ANKRD55: variants seen among roughly 807,000 people sequenced by gnomAD.
The protein encoded by ANKRD55 is ankyrin repeat domain-containing protein 55.
A neutral mutation model predicts 60.6 loss-of-function variants in ANKRD55; 41 were observed. The ratio of observed to expected loss-of-function variants is 0.68; its 90% CI spans 0.53 to 0.88. ANKRD55 has a LOEUF of 0.88. Ranked by LOEUF, ANKRD55 falls within the 40% of genes least tolerant of loss-of-function variation. The pLI is 0.00. For missense variants in ANKRD55, 732 were observed against 767.6 expected (o/e 0.95, Z 0.55); for synonymous variants, 264 against 290.3 (o/e 0.91, Z 0.92).
rs189399172 is a variant in ANKRD55 at position 56,133,536 on chromosome 5, G to A, written c.613-6430C>T. ...ACACATTTTTAACAAGCTCACATGG[G>A]ACCTTCACCGAGATAGACTACAGTC... On this transcript the variant is annotated intron_variant, in intron 7 of 11. Transcript: ENST00000341048. 2.1e-3 allele frequency among the ~76,000 whole-genome samples: 223 copies of A among 108,576 alleles called. 52 individuals carry two copies. Among genetic ancestry groups the A allele is most frequent in the African/African-American group, 6.2e-3 (207 of 33,302 alleles). The allele number at this position is 108,576 out of a possible 152,430, so 71.2% of individuals were successfully genotyped here.
intron 5 of ANKRD55, among the ~76,000 whole-genome samples, chr5:56,166,088 T>TTC (rs1758446273): frequency 2.0e-4 from 3 of 15,310 alleles, no homozygotes; most frequent in African/African-American, 6.8e-4. Context: ...TCTTTTCTTT[T>TTC]TCTTTCTTTC....
At chr5:56,226,184 T>C (rs1440505202) in intron 2 of ANKRD55, among the ~76,000 whole-genome samples, 1 of 152,150 alleles carries the variant, frequency 6.6e-6, no homozygotes, top group Non-Finnish European at 1.5e-5. Context: ...ACCACACATC[T>C]AAAACCATCT....
intron 2 of ANKRD55, among the ~76,000 whole-genome samples, chr5:56,211,708 GC>G (rs1428899286): frequency 6.6e-6 from 1 of 152,200 alleles, no homozygotes; most frequent in Admixed American, 6.5e-5. Flanking sequence ...ACTCACGGCA[GC>G]TTGTACCCTT....
intron 5 of ANKRD55, among the ~76,000 whole-genome samples, chr5:56,166,111 T>TTTCTTTCTTTC (rs1561277658): frequency 1.0e-3 from 77 of 76,186 alleles, no homozygotes; most frequent in Non-Finnish European, 1.6e-3. Context: ...TCTTTCTTTC[T>TTTCTTTCTTTC]TTCTTTCTTT....
chr5:56,107,874 T>C (rs368116033), intron 10 of ANKRD55, among the ~76,000 whole-genome samples: 31,425 of 146,662 alleles, frequency 0.21, 3,629 homozygotes, highest in Middle Eastern at 0.36. Flanking sequence ...GCAATAAACT[T>C]TTTTTTTTTT....
At chr5:56,101,300 C>T (rs1273120917) in intron 11 of ANKRD55, among the ~76,000 whole-genome samples, 3 of 151,950 alleles carry the variant, frequency 2.0e-5, no homozygotes, top group Non-Finnish European at 4.4e-5. Context: ...TTGTTATGGA[C>T]GGTGAGGAAA....
chr5:56,109,459 T>C (rs1756602659), intron 10 of ANKRD55, among the ~76,000 whole-genome samples: 1 of 152,122 alleles, frequency 6.6e-6, no homozygotes, highest in Non-Finnish European at 1.5e-5. Flanking sequence ...GCCAAGGTAC[T>C]GTGGCACCGA....
In ANKRD55 at chr5:56,143,946, A is replaced by T; in HGVS notation, c.484-17T>A. On this transcript the variant is annotated splice_polypyrimidine_tract_variant and intron_variant, in intron 6 of 11. Transcript: ENST00000341048. ...TGTCATTCCCTGCAAAACAACAGTCAGAGAGGACAGAGATGAGCACAGGCT... is the reference window on the plus strand; with the variant it reads ...TGTCATTCCCTGCAAAACAACAGTCTGAGAGGACAGAGATGAGCACAGGCT... 6.2e-7 allele frequency: 1 copy of T among 1,613,394 alleles called. No homozygotes were observed. The highest frequency in any genetic ancestry group is 1.1e-5 in the South Asian group (1 of 91,036).
chr5:56,219,159 G>C (rs1003866775), intron 2 of ANKRD55, among the ~76,000 whole-genome samples: 1 of 151,300 alleles, frequency 6.6e-6, no homozygotes, highest in Non-Finnish European at 1.5e-5. Context: ...TGTAATCCCA[G>C]CTATGTGGGA....
chr5:56,145,611 G>T (rs1023939958), intron 6 of ANKRD55, among the ~76,000 whole-genome samples: 1 of 152,206 alleles, frequency 6.6e-6, no homozygotes, highest in African/African-American at 2.4e-5. Flanking sequence ...GCTCTGATAG[G>T]TGCCATTGTA....
intron 2 of ANKRD55, among the ~76,000 whole-genome samples, chr5:56,210,513 G>A (rs1408028605): frequency 4.4e-5 from 6 of 136,246 alleles, no homozygotes; most frequent in Admixed American, 1.7e-4. Flanking sequence ...AGTGAGCCGA[G>A]ATCGCGCGAC....
Position 56,219,981 on chromosome 5 carries a change from G to A in ANKRD55, c.58+12875C>T, listed in dbSNP as rs76700353. On this transcript the variant is annotated intron_variant, in intron 2 of 11. Coordinates refer to ENST00000341048, the MANE Select transcript of ANKRD55 (RefSeq NM_024669.3). ...TTAGTTCTGGCACTGTGGGGTTAGT[G>A]AGTAGAGATGACAGGAAGAGCTCAG... Among the ~76,000 whole-genome samples the A allele has an allele frequency of 6.7e-3, 1,024 of 152,336 alleles. 7 individuals carry two copies. Among genetic ancestry groups the A allele is most frequent in the African/African-American group, 0.024 (1,001 of 41,572 alleles).
chr5:56,104,866 G>A (rs544839801), intron 10 of ANKRD55, among the ~76,000 whole-genome samples: 9 of 152,166 alleles, frequency 5.9e-5, no homozygotes, highest in African/African-American at 2.2e-4. Context: ...TGAGGGCATT[G>A]CAGAGGAAGG....
At chr5:56,127,139 T>TC in intron 7 of ANKRD55, 33 bp from the exon 8 acceptor site, 1 of 1,557,938 alleles carries the variant, frequency 6.4e-7, no homozygotes, top group Non-Finnish European at 8.7e-7. Context: ...GCCCATTATG[T>TC]ACAATCCAGT....
In ANKRD55 at chr5:56,111,337, G is replaced by C. The variant is rs375384181; in HGVS notation, c.1411C>G (p.Gln471Glu). The change falls in exon 10 of 12, where the codon CAG becomes GAG. Residue 471 changes from glutamine to glutamate, a missense_variant. By Grantham distance (29) the Gln-to-Glu change is conservative. Around this residue, in one of 3 missense-constraint regions of ANKRD55, gnomAD observed 597 missense variants for 607.5 expected, o/e 0.98. Transcript: ENST00000341048. ...SAPHHMAQRS[Q>E]KSRSEQDLLN... The stretch of plus-strand genomic sequence containing the variant: ...AAATCCTGCTCACTTCGACTTTTCT[G>C]AGATCGCTGGGCCATATGATGAGGA... 5.6e-6 allele frequency: 9 copies of C among 1,614,018 alleles called. No homozygotes were observed. The African/African-American group carries it at 1.2e-4, about 22-fold the overall frequency.
chr5:56,206,187 G>A (rs962699395), intron 2 of ANKRD55, among the ~76,000 whole-genome samples: 1 of 151,778 alleles, frequency 6.6e-6, no homozygotes, highest in African/African-American at 2.4e-5. Flanking sequence ...ATGTTGGCCA[G>A]GCTGGTCTCA....
chr5:56,225,380 C>T (rs1261903117), intron 2 of ANKRD55, among the ~76,000 whole-genome samples: 2 of 152,174 alleles, frequency 1.3e-5, no homozygotes, highest in East Asian at 3.8e-4. Context: ...CAATATCATA[C>T]TGAATGGACA....
chr5:56,201,719 G>T (rs1343773938), intron 2 of ANKRD55, among the ~76,000 whole-genome samples: 1 of 152,200 alleles, frequency 6.6e-6, no homozygotes, highest in African/African-American at 2.4e-5. Context: ...TATTCAAAGT[G>T]TGTTAATTAG....
intron 7 of ANKRD55, among the ~76,000 whole-genome samples, chr5:56,128,775 G>A (rs922170164): frequency 6.6e-6 from 1 of 152,134 alleles, no homozygotes; most frequent in Non-Finnish European, 1.5e-5. Context: ...AGGCATAAGG[G>A]ATTAAGAAAT....
Sources: allele counts gnomAD v4.1 joint callset (sites outside exome capture counted in the v4.1 genomes callset), GRCh38; gene constraint gnomAD v4.1.1; regional missense constraint gnomAD v4.1.1; transcripts MANE v1.5; gene names NCBI Gene and HGNC (gene_info 2026-07-23, HGNC 2026-07-21).